Variants in POLR3G observed in about 807,000 individuals in gnomAD.
The protein encoded by POLR3G is DNA-directed RNA polymerase III subunit RPC7.
Under a neutral mutation model 30.1 loss-of-function variants are expected in POLR3G, and 28 were observed. The ratio of observed to expected loss-of-function variants is 0.93; its 90% confidence interval spans 0.69 to 1.27. POLR3G has a LOEUF of 1.27. Among genes scored for constraint, POLR3G ranks in the 50% most tolerant of loss-of-function variants. POLR3G has a pLI of 0.00. For missense variants in POLR3G, 254 were observed against 264.6 expected (o/e 0.96, Z 0.28); for synonymous variants, 79 against 82.5 (o/e 0.96, Z 0.23).
At chr5:90,475,607 T>G (rs547251952) in intron 1 of POLR3G, among the ~76,000 whole-genome samples, 8 of 152,226 alleles carry the variant, frequency 5.3e-5, no homozygotes, top group Non-Finnish European at 8.8e-5. Flanking sequence ...AAGTGAATAA[T>G]GACTGGGTGT....
At chr5:90,487,231 T>G (rs1751483780) in intron 2 of POLR3G, among the ~76,000 whole-genome samples, 1 of 152,106 alleles carries the variant, frequency 6.6e-6, no homozygotes, top group Non-Finnish European at 1.5e-5. Flanking sequence ...ATTGTAGTCA[T>G]AGCAACCACT....
chr5:90,487,970 A>G (rs745487168), intron 2 of POLR3G, 30 bp from the exon 3 acceptor site: 6 of 1,507,108 alleles, frequency 4.0e-6, no homozygotes, highest in Admixed American at 2.3e-5. Flanking sequence ...AATTGATTTG[A>G]AAAAAATCTT....
At chr5:90,480,200 G>T (rs1751054386) in intron 1 of POLR3G, among the ~76,000 whole-genome samples, 1 of 152,146 alleles carries the variant, frequency 6.6e-6, no homozygotes, top group Non-Finnish European at 1.5e-5. Flanking sequence ...TTATTCTAGA[G>T]TTTGGTGTAT....
intron 3 of POLR3G, among the ~76,000 whole-genome samples, chr5:90,491,411 T>C (rs2151906575): frequency 6.6e-6 from 1 of 152,284 alleles, no homozygotes; most frequent in African/African-American, 2.4e-5. Context: ...CCTCAAAGCT[T>C]AATGGAAATT....
At position 90,514,233 on chromosome 5, in the gene POLR3G, G is replaced by C. The variant is rs1752863944; in HGVS notation, c.*2094G>C. The C allele has an allele frequency of 6.6e-6, 1 of 152,200 alleles. No homozygotes were observed. The highest frequency in any genetic ancestry group is 1.5e-5 in the Non-Finnish European group (1 of 68,040). 9.4% of individuals were successfully genotyped at this position (152,200 alleles called of 1,614,324 possible). Reference sequence around the variant, plus strand: ...TTTTTCTGGCTTAAAATCTGGGACTGTGAAATTATTCCATAGGAAAGTGAA... The same window carrying C: ...TTTTTCTGGCTTAAAATCTGGGACTCTGAAATTATTCCATAGGAAAGTGAA... On this transcript the variant is annotated 3_prime_UTR_variant, in exon 8 of 8. Transcript: ENST00000651687.
At chr5:90,483,595 A>G (rs1196807122) in intron 1 of POLR3G, among the ~76,000 whole-genome samples, 1 of 152,040 alleles carries the variant, frequency 6.6e-6, no homozygotes, top group African/African-American at 2.4e-5. Context: ...ACTTGAGGTC[A>G]GGAGTTTGAG....
chr5:90,502,489 CAGA>C, intron 6 of POLR3G: 1 of 621,256 alleles, frequency 1.6e-6, no homozygotes, highest in Non-Finnish European at 2.0e-6. Flanking sequence ...AATGTAGATT[CAGA>C]AGGTTAAAGC....
intron 6 of POLR3G, among the ~76,000 whole-genome samples, chr5:90,504,290 G>T (rs1481787852): frequency 1.3e-5 from 2 of 152,070 alleles, no homozygotes; most frequent in South Asian, 4.1e-4. Context: ...GCCAGGCGCC[G>T]TGGCTCACGC....
chr5:90,489,294 T>A (rs964235817), intron 3 of POLR3G, among the ~76,000 whole-genome samples: 4 of 149,918 alleles, frequency 2.7e-5, no homozygotes, highest in African/African-American at 9.8e-5. Context: ...GGATGGAGTC[T>A]CACTCTTGTC....
chr5:90,511,439 A>T (rs1326883518), intron 7 of POLR3G, among the ~76,000 whole-genome samples: 1 of 152,220 alleles, frequency 6.6e-6, no homozygotes, highest in Non-Finnish European at 1.5e-5. Context: ...ATTGTAAGAT[A>T]CTGGAGGCCC....
chr5:90,508,916 C>T (rs1276683702), intron 7 of POLR3G, among the ~76,000 whole-genome samples: 1 of 152,090 alleles, frequency 6.6e-6, no homozygotes, highest in Non-Finnish European at 1.5e-5. Context: ...AAAAAATTAG[C>T]CAGGCGTGGT....
chr5:90,509,227 G>T (rs1465882366), intron 7 of POLR3G, among the ~76,000 whole-genome samples: 8 of 152,062 alleles, frequency 5.3e-5, no homozygotes, highest in Admixed American at 1.3e-4. Flanking sequence ...GGTCTCTGGA[G>T]TTCTTTCTAG....
chr5:90,506,067 TCTA>T (rs1752469145), intron 6 of POLR3G, among the ~76,000 whole-genome samples: 1 of 151,904 alleles, frequency 6.6e-6, no homozygotes, highest in Non-Finnish European at 1.5e-5. Context: ...AAACCCTGTC[TCTA>T]CTAAAAAAAT....
rs1185818485 is a variant in POLR3G at position 90,497,644 on chromosome 5, T to G, written c.305-12T>G. 6.3e-7 allele frequency: 1 copy of G among 1,580,580 alleles called. No individual in the cohort carries two copies. The highest frequency in any genetic ancestry group is 8.6e-7 in the Non-Finnish European group (1 of 1,168,970). ...GGAAACTGCAATTTTTTATTTTTTA[T>G]TTTATGTACAGATTGGAGAAGACTT... On this transcript the variant is annotated splice_polypyrimidine_tract_variant and intron_variant, in intron 4 of 7. Coordinates refer to ENST00000651687, the MANE Select transcript of POLR3G (RefSeq NM_006467.3).
intron 7 of POLR3G, among the ~76,000 whole-genome samples, chr5:90,511,374 C>G (rs1026703801): frequency 6.6e-6 from 1 of 152,154 alleles, no homozygotes; most frequent in African/African-American, 2.4e-5. Flanking sequence ...ACAATCCATA[C>G]ATTGCAACTG....
Position 90,504,517 on chromosome 5 carries a change from G to A in POLR3G, c.439-2011G>A, listed in dbSNP as rs369702867. Reference sequence around the variant, plus strand: ...GTGGAGCTTGCAGTGAGCCGAGATCGTACCACTGCCCTCCAGCCTGGGTGA... The same window carrying A: ...GTGGAGCTTGCAGTGAGCCGAGATCATACCACTGCCCTCCAGCCTGGGTGA... On this transcript the variant is annotated intron_variant, in intron 6 of 7. Transcript: ENST00000651687. 3.3e-4 allele frequency among the ~76,000 whole-genome samples: 50 copies of A among 150,536 alleles called. 1 individual carries two copies. In the South Asian group the frequency reaches 9.7e-3, roughly 29 times the overall value.
At chr5:90,474,368 T>G, upstream of POLR3G, 3 of 1,344,090 alleles carry the variant, frequency 2.2e-6, no homozygotes, top group South Asian at 2.5e-5. Flanking sequence ...CACAGGGCAC[T>G]GCGGCTGTGT....
intron 1 of POLR3G, among the ~76,000 whole-genome samples, chr5:90,481,676 A>C (rs1004843998): frequency 1.3e-5 from 2 of 152,208 alleles, no homozygotes; most frequent in Non-Finnish European, 2.9e-5. Context: ...AGAAAAAAAA[A>C]TGGGAAAACC....
In POLR3G at chr5:90,511,176, C is replaced by T. The variant is rs569208249; in HGVS notation, c.586-877C>T. On this transcript the variant is annotated intron_variant, in intron 7 of 7. Transcript: ENST00000651687. Reference sequence around the variant, plus strand: ...CTTGGATTCCAAAGAAAATCCTAGGCATCGTATCATTTCATCCACAAATAT... The same window carrying T: ...CTTGGATTCCAAAGAAAATCCTAGGTATCGTATCATTTCATCCACAAATAT... 2.0e-5 allele frequency among the ~76,000 whole-genome samples: 3 copies of T among 152,258 alleles called. No homozygotes were observed. In the East Asian group the frequency reaches 5.8e-4, roughly 29 times the overall value.
Sources: gnomAD v4.1 joint callset for allele counts (sites outside exome capture counted in the v4.1 genomes callset) on GRCh38, gnomAD v4.1.1 for gene constraint, MANE v1.5 for transcripts, NCBI Gene and HGNC (gene_info 2026-07-23, HGNC 2026-07-21) for gene names.